The following NFKBIA variants were observed in gnomAD, a reference collection of about 807,000 sequenced individuals.
NFKBIA encodes the protein NF-kappa-B inhibitor alpha.
A neutral mutation model predicts 36.3 loss-of-function variants in NFKBIA; 10 were observed. The ratio of observed to expected loss-of-function variants is 0.28; its 90% CI spans 0.17 to 0.47. NFKBIA has a LOEUF of 0.47. Among genes scored for constraint, NFKBIA ranks in the 20% least tolerant of loss-of-function variants. The pLI is 0.99. For synonymous variants in NFKBIA, 205 were observed against 164.4 expected (o/e 1.25, Z -1.89); for missense variants, 355 against 399.3 (o/e 0.89, Z 0.94).
rs377380656 is a variant in NFKBIA, at chr14:35,403,318, C to T, written c.379G>A (p.Ala127Thr). ...CAGCCAGCTCCCAGAAGTGCCTCAG[C>T]AATTTCTGGCTGGTTGGTGATCACA... The part of the protein sequence containing the change: ...LAVITNQPEI[A>T]EALLGAGCDP... Residue 127 changes from alanine to threonine, a missense_variant, in exon 3 of 6, where the codon GCT becomes ACT. Physicochemically the swap from Ala to Thr is moderately conservative, Grantham distance 58. Coordinates refer to ENST00000216797, the MANE Select transcript of NFKBIA (RefSeq NM_020529.3). The T allele has an allele frequency of 7.4e-6, 12 of 1,613,920 alleles. No individual in the cohort carries two copies. The highest frequency in any genetic ancestry group is 1.3e-5 in the African/African-American group (1 of 74,898).
rs778739283 is a variant in NFKBIA at position 35,403,270 on chromosome 14, G to C, written c.427C>G (p.Arg143Gly). The change falls in exon 3 of 6, where the codon CGA (arginine) becomes GGA (glycine). Residue 143 changes from arginine to glycine, a missense_variant. Physicochemically the swap from Arg to Gly is moderately radical, Grantham distance 125 (BLOSUM62 -2). Coordinates refer to ENST00000216797, the MANE Select transcript of NFKBIA (RefSeq NM_020529.3). ...GCAAGGTGTAGGGGGGTATTTCCTC[G>C]AAAGTCTCGGAGCTCAGGATCACAG... ...AGCDPELRDFRGNTPLHLACE... is the reference protein window; with the variant it reads ...AGCDPELRDFGGNTPLHLACE... The C allele has an allele frequency of 6.2e-7, 1 of 1,613,798 alleles. No individual in the cohort carries two copies. The highest frequency in any genetic ancestry group is 1.7e-5 in the Admixed American group (1 of 60,018).
intron 1 of NFKBIA, 169 bp downstream of exon 1, chr14:35,404,249 T>C: frequency 5.4e-6 from 2 of 373,774 alleles, no homozygotes; most frequent in South Asian, 7.0e-5. Context: ...CGCGCGGCCC[T>C]GCAGCCCTGC....
In NFKBIA at chr14:35,402,235, A is replaced by AGTAAGCTATTAAAAAAAGGGGGG. The variant is rs70937092; in HGVS notation, c.906+158_906+159insCCCCCCTTTTTTTAATAGCTTAC. 1.3e-3 allele frequency among the ~76,000 whole-genome samples: 191 copies of AGTAAGCTATTAAAAAAAGGGGGG among 148,736 alleles called. 1 individual carries two copies. The highest frequency in any genetic ancestry group is 4.5e-3 in the African/African-American group (176 of 38,928). The stretch of plus-strand genomic sequence containing the variant: ...CTTTAATGCTTCTCTTTAAAAAAAG[A>AGTAAGCTATTAAAAAAAGGGGGG]GGGGGGGCAGGTACATTCTTGGGAT... On this transcript the variant is annotated intron_variant, in intron 5 of 5. Coordinates refer to ENST00000216797, the MANE Select transcript of NFKBIA (RefSeq NM_020529.3).
At position 35,402,831 on chromosome 14, in the gene NFKBIA, G is replaced by C. The variant is rs773149235; in HGVS notation, c.576C>G (p.Ile192Met). 1.9e-6 allele frequency: 3 copies of C among 1,614,200 alleles called. 1 individual carries two copies. The Middle Eastern group carries it at 4.9e-4, about 266-fold the overall frequency. Residue 192 changes from isoleucine to methionine, a missense_variant, in exon 4 of 6, where the codon ATC becomes ATG. Coordinates refer to ENST00000216797, the MANE Select transcript of NFKBIA (RefSeq NM_020529.3). ...NGHTCLHLAS[I>M]HGYLGIVELL... ...GCTCCACGATGCCCAGGTAGCCATG[G>C]ATAGAGGCTAAGTGTAGACACGTGT...
chr14:35,403,990 GC>G, intron 1 of NFKBIA, 192 bp from the exon 2 acceptor site: 1 of 605,476 alleles, frequency 1.7e-6, no homozygotes, highest in Non-Finnish European at 3.0e-6. Flanking sequence ...TCCCCCCGCG[GC>G]CCCGGCGGGC....
chr14:35,404,349 C>A lies in NFKBIA; in HGVS notation c.227+69G>T, dbSNP rs1263597624. 6 of 1,158,724 alleles carry A rather than the reference C, an allele frequency of 5.2e-6. No homozygotes were observed. In the African/African-American group the frequency reaches 9.7e-5, roughly 19 times the overall value. The allele number at this position is 1,158,724 out of a possible 1,614,324, so 71.8% of individuals were successfully genotyped here. A position where few individuals can be genotyped will look rare whatever the true frequency, so the allele number is the denominator to read the frequency against. On this transcript the variant is annotated intron_variant, in intron 1 of 5. Coordinates refer to ENST00000216797, the MANE Select transcript of NFKBIA (RefSeq NM_020529.3). The stretch of plus-strand genomic sequence containing the variant: ...CCCGGCTCGGGCTCCAGGCCCGGCG[C>A]CTCCCACCCCCAGGCCGCGCGCGTC...
At position 35,402,812 on chromosome 14, in the gene NFKBIA, C is replaced by T. The variant is rs779399614; in HGVS notation, c.595G>A (p.Val199Met). The part of the protein sequence containing the change: ...LASIHGYLGI[V>M]ELLVSLGADV... ...GCACCCAAGGACACCAAAAGCTCCA[C>T]GATGCCCAGGTAGCCATGGATAGAG... The change falls in exon 4 of 6, where the codon GTG becomes ATG. Residue 199 changes from valine to methionine, a missense_variant. By Grantham distance (21) the Val-to-Met change is conservative. Transcript: ENST00000216797. The T allele has an allele frequency of 6.2e-7, 1 of 1,614,214 alleles. No homozygotes were observed. The highest frequency in any genetic ancestry group is 8.5e-7 in the Non-Finnish European group (1 of 1,180,028).
chr14:35,403,926 A>G (rs1009085766), intron 1 of NFKBIA, 128 bp from the exon 2 acceptor site: 23 of 729,566 alleles, frequency 3.2e-5, no homozygotes, highest in African/African-American at 2.3e-4. Context: ...GTTTTCCGCG[A>G]GGTTATTATG....
At chr14:35,402,370 C>A (rs781022181) in intron 5 of NFKBIA, 24 bp downstream of exon 5, 1 of 1,613,854 alleles carries the variant, frequency 6.2e-7, no homozygotes, top group South Asian at 1.1e-5. Context: ...TTAGTTAGAG[C>A]GCCGAAGGAG....
chr14:35,402,695 G>T (rs2052740588), intron 4 of NFKBIA, 32 bp from the exon 5 acceptor site: 1 of 1,614,078 alleles, frequency 6.2e-7, no homozygotes, highest in Admixed American at 1.7e-5. Flanking sequence ...GATGCTTATG[G>T]CTGCATTTGG....
Position 35,402,642 on chromosome 14 carries a change from C to T in NFKBIA, c.658G>A (p.Ala220Thr), listed in dbSNP as rs2138830855. ...TGCAGGTCCACTGCGAGGTGAAGGG[C>T]AGTCCGGCCATTACAGGGCTCCTGA... ...NAQEPCNGRT[A>T]LHLAVDLQNP... Residue 220 changes from alanine (A) to threonine (T), a missense_variant, in exon 5 of 6, where the codon GCC (alanine) becomes ACC (threonine). Transcript: ENST00000216797. 6.2e-7 allele frequency: 1 copy of T among 1,614,230 alleles called. No individual in the cohort carries two copies. The highest frequency in any genetic ancestry group is 8.5e-7 in the Non-Finnish European group (1 of 1,180,044).
At position 35,402,580 on chromosome 14, in the gene NFKBIA, C is replaced by T. The variant is rs369802093; in HGVS notation, c.720G>A (p.Gly240=). The T allele has an allele frequency of 8.1e-6, 13 of 1,614,102 alleles. No individual in the cohort carries two copies. The African/African-American group carries it at 1.3e-4, about 17-fold the overall frequency. Residue 240 remains glycine (G), a synonymous_variant, in exon 5 of 6, where the codon GGG becomes GGA. Transcript: ENST00000216797. ...GGTAGGTAACTCTGTTGACATCAGC[C>T]CCACACTTCAACAGGAGTGACACCA... The part of the protein sequence containing the change: ...PDLVSLLLKC[G]ADVNRVTYQG...
chr14:35,402,943 T>C (rs2052744129), intron 3 of NFKBIA, 84 bp from the exon 4 acceptor site: 4 of 1,408,134 alleles, frequency 2.8e-6, no homozygotes, highest in East Asian at 4.8e-5. Context: ...CAAGTAGTCT[T>C]ATCTTCTGAA....
rs1172383601 is a variant in NFKBIA at position 35,401,849 on chromosome 14, A to C, written c.*164T>G. 1.4e-6 allele frequency: 1 copy of C among 736,284 alleles called. No individual in the cohort carries two copies. Among genetic ancestry groups the C allele is most frequent in the Non-Finnish European group, 2.3e-6 (1 of 436,266 alleles). The allele number at this position is 736,284 out of a possible 1,614,324, so 45.6% of individuals were successfully genotyped here. A position where few individuals can be genotyped will look rare whatever the true frequency, so the allele number is the denominator to read the frequency against. Reference sequence around the variant, plus strand: ...TACAAAAAGTTCACAAAAGCAACAAAATGAGGGCTGATCCTACCACAATAA... The same window carrying C: ...TACAAAAAGTTCACAAAAGCAACAACATGAGGGCTGATCCTACCACAATAA... On this transcript the variant is annotated 3_prime_UTR_variant, in exon 6 of 6. Transcript: ENST00000216797.
chr14:35,401,933 T>C lies in NFKBIA; in HGVS notation c.*80A>G. The C allele has an allele frequency of 1.3e-6, 2 of 1,521,298 alleles. No homozygotes were observed. The highest frequency in any genetic ancestry group is 1.8e-6 in the Non-Finnish European group (2 of 1,114,564). 94.2% of individuals were successfully genotyped at this position (1,521,298 alleles called of 1,614,324 possible). On this transcript the variant is annotated 3_prime_UTR_variant, in exon 6 of 6. Coordinates refer to ENST00000216797, the MANE Select transcript of NFKBIA (RefSeq NM_020529.3). ...ATAAGTACACCCTTTAAATTTTTTC[T>C]TCTTTTTTCTTTTTTTAGAAAAATA...
chr14:35,402,559 G>A lies in NFKBIA; in HGVS notation c.741C>T (p.Thr247=), dbSNP rs2138830670. ...LKCGADVNRV[T]YQGYSPYQLT... ...GCTGGTAGGGAGAATAGCCCTGGTAGGTAACTCTGTTGACATCAGCCCCAC... is the reference window on the plus strand; with the variant it reads ...GCTGGTAGGGAGAATAGCCCTGGTAAGTAACTCTGTTGACATCAGCCCCAC... The change falls in exon 5 of 6, where the codon ACC becomes ACT. Residue 247 remains threonine, a synonymous_variant. Transcript: ENST00000216797. 1 of 1,614,242 alleles carries A rather than the reference G, an allele frequency of 6.2e-7. No homozygotes were observed. The highest frequency in any genetic ancestry group is 2.2e-5 in the East Asian group (1 of 44,886).
chr14:35,404,287 G>A (rs1359584678), intron 1 of NFKBIA, 131 bp downstream of exon 1: 13 of 560,644 alleles, frequency 2.3e-5, no homozygotes, highest in Non-Finnish European at 3.2e-5. Context: ...AGGAGCCCCG[G>A]GGTGCCGCGG....
chr14:35,403,294 A>C lies in NFKBIA; in HGVS notation c.403T>G (p.Cys135Gly), dbSNP rs2138832069. The C allele has an allele frequency of 2.5e-6, 4 of 1,614,060 alleles. No individual in the cohort carries two copies. The highest frequency in any genetic ancestry group is 3.4e-6 in the Non-Finnish European group (4 of 1,180,034). ...CGAAAGTCTCGGAGCTCAGGATCAC[A>C]GCCAGCTCCCAGAAGTGCCTCAGCA... ...EIAEALLGAG[C>G]DPELRDFRGN... The change falls in exon 3 of 6, where the codon TGT becomes GGT. Residue 135 changes from cysteine (C) to glycine (G), a missense_variant. Physicochemically the swap from Cys to Gly is radical, Grantham distance 159. Transcript: ENST00000216797.
chr14:35,404,253 G>C lies in NFKBIA; in HGVS notation c.227+165C>G, dbSNP rs1046793089. ...GGCCGGTGCCCCGCGCGGCCCTGCAGCCCTGCAGCGTTCGGGGCGGTGCAG... is the reference window on the plus strand; with the variant it reads ...GGCCGGTGCCCCGCGCGGCCCTGCACCCCTGCAGCGTTCGGGGCGGTGCAG... On this transcript the variant is annotated intron_variant, in intron 1 of 5. Coordinates refer to ENST00000216797, the MANE Select transcript of NFKBIA (RefSeq NM_020529.3). 9.8e-6 allele frequency: 4 copies of C among 406,440 alleles called. No homozygotes were observed. The South Asian group carries it at 1.7e-4, about 17-fold the overall frequency. The allele number at this position is 406,440 out of a possible 1,614,324, so 25.2% of individuals were successfully genotyped here.
Sources: gnomAD v4.1 joint callset for allele counts (sites outside exome capture counted in the v4.1 genomes callset) on GRCh38, gnomAD v4.1.1 for gene constraint, MANE v1.5 for transcripts, NCBI Gene and HGNC (gene_info 2026-07-23, HGNC 2026-07-21) for gene names.